The following C10orf90 variants were observed in gnomAD, a reference collection of about 807,000 sequenced individuals.
C10orf90 encodes the protein (E2-independent) E3 ubiquitin-conjugating enzyme FATS.
In C10orf90, 56 loss-of-function variants were observed where a neutral mutation model predicts 62.5. The observed-to-expected ratio is 0.90, with a 90% confidence interval of 0.72 to 1.12. The LOEUF is 1.12. Ranked by LOEUF, C10orf90 falls within the 50% of genes most tolerant of loss-of-function variation. The pLI is 0.00. For missense variants in C10orf90, 970 were observed against 880.4 expected (o/e 1.10, Z -1.29); for synonymous variants, 386 against 340.4 (o/e 1.13, Z -1.47).
intron 2 of C10orf90, among the ~76,000 whole-genome samples, chr10:126,626,819 T>C (rs1283088167): frequency 1.3e-5 from 2 of 152,000 alleles, no homozygotes; most frequent in Non-Finnish European, 2.9e-5. Flanking sequence ...TAAGTGAAGG[T>C]GTAACTTTCT....
chr10:126,542,730 C>T (rs112626227), intron 2 of C10orf90, among the ~76,000 whole-genome samples: 2,004 of 152,114 alleles, frequency 0.013, 46 homozygotes, highest in African/African-American at 0.045. Context: ...TATAAAAATC[C>T]AGCATCAGGG....
chr10:126,494,376 T>TA (rs1788489445), intron 4 of C10orf90, among the ~76,000 whole-genome samples: 1 of 152,096 alleles, frequency 6.6e-6, no homozygotes, highest in South Asian at 2.1e-4. Flanking sequence ...ATTTGCAAGA[T>TA]ATGGGCCTCA....
intron 7 of C10orf90, among the ~76,000 whole-genome samples, chr10:126,445,263 T>C (rs1858682910): frequency 1.3e-5 from 2 of 152,252 alleles, no homozygotes; most frequent in Admixed American, 1.3e-4. Context: ...CTTCACAATC[T>C]ATACATCTGA....
intron 2 of C10orf90, among the ~76,000 whole-genome samples, chr10:126,517,179 G>A (rs146932122): frequency 3.2e-4 from 48 of 152,234 alleles, no homozygotes; most frequent in Middle Eastern, 6.8e-3. Context: ...ATGTAATGTA[G>A]GGCCTTTAAA....
chr10:126,503,751 C>A (rs1419121276), intron 4 of C10orf90, among the ~76,000 whole-genome samples: 1 of 152,046 alleles, frequency 6.6e-6, no homozygotes, highest in African/African-American at 2.4e-5. Context: ...AGGCCTCTTA[C>A]AATCTACAAA....
At chr10:126,635,637 C>T (rs1845935831) in intron 2 of C10orf90, among the ~76,000 whole-genome samples, 1 of 152,198 alleles carries the variant, frequency 6.6e-6, no homozygotes, top group African/African-American at 2.4e-5. Flanking sequence ...CTCATATGGT[C>T]TGCACTCCCC....
At chr10:126,626,086 G>C (rs1378437064) in intron 2 of C10orf90, among the ~76,000 whole-genome samples, 1 of 148,990 alleles carries the variant, frequency 6.7e-6, no homozygotes, top group Non-Finnish European at 1.5e-5. Flanking sequence ...CTGAGATCGT[G>C]CCACTGCACT....
At chr10:126,509,929 A>C (rs914805202) in intron 3 of C10orf90, among the ~76,000 whole-genome samples, 3 of 152,200 alleles carry the variant, frequency 2.0e-5, no homozygotes, top group Non-Finnish European at 4.4e-5. Context: ...TAGTTTTCTC[A>C]GTTCTAGGAG....
rs116083901 is a variant in C10orf90, at chr10:126,480,887, G to A, written c.1535-15901C>T. Among the ~76,000 whole-genome samples, 936 of 152,198 alleles carry A rather than the reference G, an allele frequency of 6.1e-3. 13 individuals are homozygous for A. The highest frequency in any genetic ancestry group is 0.02 in the South Asian group (96 of 4,808). On this transcript the variant is annotated intron_variant, in intron 4 of 9. Coordinates refer to ENST00000488181, the MANE Select transcript of C10orf90 (RefSeq NM_001350921.2). ...TCTTGAGAATGTAGGTCAGGTTATGGTAATGCTCAGCTTAGATCTCTCTGA... is the reference window on the plus strand; with the variant it reads ...TCTTGAGAATGTAGGTCAGGTTATGATAATGCTCAGCTTAGATCTCTCTGA...
At chr10:126,523,666 C>G (rs754575823) in intron 2 of C10orf90, 6 of 152,208 alleles carry the variant, frequency 3.9e-5, no homozygotes, top group Non-Finnish European at 8.8e-5. Context: ...GCATTACCAT[C>G]ATCCATCTCT....
chr10:126,489,355 AAAC>A (rs949305703), intron 4 of C10orf90, among the ~76,000 whole-genome samples: 1 of 152,162 alleles, frequency 6.6e-6, no homozygotes, highest in Non-Finnish European at 1.5e-5. Flanking sequence ...TTAGGAATAG[AAAC>A]AACAACGATT....
intron 2 of C10orf90, among the ~76,000 whole-genome samples, chr10:126,575,545 T>C (rs918009196): frequency 3.3e-5 from 5 of 151,506 alleles, no homozygotes; most frequent in Non-Finnish European, 7.4e-5. Context: ...AAAATACCAA[T>C]GACATTTTTC....
Position 126,425,604 on chromosome 10 carries a change from A to G in C10orf90, c.*260T>C, listed in dbSNP as rs1169841235. On this transcript the variant is annotated 3_prime_UTR_variant, in exon 10 of 10. Transcript: ENST00000488181. Reference sequence around the variant, plus strand: ...GCAAAAGGTACAATTTAGAAGCAAAAACATTAAGGGGACTGTATCCAGTGG... The same window carrying G: ...GCAAAAGGTACAATTTAGAAGCAAAGACATTAAGGGGACTGTATCCAGTGG... The G allele has an allele frequency of 1.1e-5, 5 of 473,812 alleles. No individual in the cohort carries two copies. Among genetic ancestry groups the G allele is most frequent in the African/African-American group, 6.0e-5 (3 of 50,246 alleles). 29.4% of individuals were successfully genotyped at this position (473,812 alleles called of 1,614,324 possible).
chr10:126,430,219 T>TA (rs1441818731), intron 7 of C10orf90, among the ~76,000 whole-genome samples: 11 of 152,276 alleles, frequency 7.2e-5, no homozygotes, highest in African/African-American at 2.4e-4. Flanking sequence ...GTGAGGCCTC[T>TA]AAGGACAAGG....
chr10:126,578,248 A>G (rs1449156977), intron 2 of C10orf90, among the ~76,000 whole-genome samples: 1 of 152,206 alleles, frequency 6.6e-6, no homozygotes, highest in Non-Finnish European at 1.5e-5. Flanking sequence ...CTAACAAAGA[A>G]TTTGTATCCA....
chr10:126,440,845 G>A (rs536872610), intron 7 of C10orf90, among the ~76,000 whole-genome samples: 1 of 152,248 alleles, frequency 6.6e-6, no homozygotes, highest in South Asian at 2.1e-4. Flanking sequence ...AAGGGGGAGA[G>A]TACTACATCA....
intron 7 of C10orf90, among the ~76,000 whole-genome samples, chr10:126,448,746 A>G (rs1858965429): frequency 6.6e-6 from 1 of 152,226 alleles, no homozygotes; most frequent in African/African-American, 2.4e-5. Flanking sequence ...TGAGACTACT[A>G]AGAATAATTA....
At chr10:126,638,165 C>G (rs759525546) in intron 2 of C10orf90, among the ~76,000 whole-genome samples, 28 of 152,076 alleles carry the variant, frequency 1.8e-4, no homozygotes, top group Non-Finnish European at 3.7e-4. Context: ...CCTCCCTAGG[C>G]CCAGTCTAGA....
chr10:126,573,487 T>C (rs1403235695), intron 2 of C10orf90, among the ~76,000 whole-genome samples: 1 of 152,170 alleles, frequency 6.6e-6, no homozygotes, highest in African/African-American at 2.4e-5. Flanking sequence ...CTCCTTTAAC[T>C]TTACAGACTC....
Sources: allele counts gnomAD v4.1 joint callset (sites outside exome capture counted in the v4.1 genomes callset), GRCh38; gene constraint gnomAD v4.1.1; transcripts MANE v1.5; gene names NCBI Gene and HGNC (gene_info 2026-07-23, HGNC 2026-07-21).